The following ZNF202 variants were observed in gnomAD, a reference collection of about 807,000 sequenced individuals.
The protein encoded by ZNF202 is zinc finger protein 202, also known as zinc finger protein with KRAB and SCAN domains 10.
Under a neutral mutation model 54.5 loss-of-function variants are expected in ZNF202, and 22 were observed. That is an observed-to-expected ratio of 0.40 (90% CI 0.29 to 0.58). The LOEUF (loss-of-function observed/expected upper bound fraction) is 0.58, where lower values mean the gene tolerates loss of function less well. ZNF202 is among the 20% of genes least tolerant of loss of function. The pLI, the probability that ZNF202 is intolerant of heterozygous loss-of-function variation, is 0.39. For synonymous variants in ZNF202, 294 were observed against 301.4 expected (o/e 0.98, Z 0.26); for missense variants, 644 against 805.5 (o/e 0.80, Z 2.43).
intron 3 of ZNF202, chr11:123,739,321 G>A (rs1029893608): frequency 2.6e-5 from 4 of 152,206 alleles, no homozygotes; most frequent in South Asian, 2.1e-4. Flanking sequence ...ATCAAGAGGG[G>A]AGGAGGACAA....
intron 1 of ZNF202, among the ~76,000 whole-genome samples, chr11:123,741,144 G>C (rs1472055702): frequency 6.6e-6 from 1 of 152,012 alleles, no homozygotes; most frequent in Non-Finnish European, 1.5e-5. Context: ...GAGAGGAGGG[G>C]TAAGAAAAAG....
chr11:123,728,397 T>C, intron 6 of ZNF202, 135 bp from the exon 7 acceptor site: 1 of 1,181,538 alleles, frequency 8.5e-7, no homozygotes, highest in Non-Finnish European at 1.1e-6. Context: ...CTTAAACTCA[T>C]TCTCGGGGGA....
At position 123,729,664 on chromosome 11, in the gene ZNF202, T is replaced by G. The variant is rs773383934; in HGVS notation, c.564A>C (p.Ala188=). ...CCTCTTCCTGGTGTGGACGCTGCTC[T>G]GCCGGTGCCCCCAGATCTGGGCTCT... ...TTQSPDLGAP[A]EQRPHQEEEL... The change falls in exon 5 of 9, where the codon GCA becomes GCC. Residue 188 remains alanine, a synonymous_variant. Transcript: ENST00000530393. 11 of 1,611,584 alleles carry G rather than the reference T, an allele frequency of 6.8e-6. No homozygotes were observed. The highest frequency in any genetic ancestry group is 9.3e-6 in the Non-Finnish European group (11 of 1,178,930).
rs375501464 is a variant in ZNF202 at position 123,726,485 on chromosome 11, C to T, written c.1459G>A (p.Gly487Arg). 8.7e-6 allele frequency: 14 copies of T among 1,614,116 alleles called. No homozygotes were observed. The highest frequency in any genetic ancestry group is 1.6e-4 in the Middle Eastern group (1 of 6,082). ...TCTGAAGTCCAGCGGAAGTGCTTTC[C>T]GCAATCATCACATCTATAGGGTTTC... ...VEKPYRCDDC[G>R]KHFRWTSDLV... The change falls in exon 9 of 9, where the codon GGA becomes AGA. Residue 487 changes from glycine (G) to arginine (R), a missense_variant. Gly to Arg is a moderately radical substitution (Grantham distance 125). Transcript: ENST00000530393. The surrounding 1 kb of genome is among the most constrained non-coding windows in gnomAD (Gnocchi z 6.0).
chr11:123,733,379 T>G (rs1861495977), intron 3 of ZNF202, among the ~76,000 whole-genome samples: 1 of 152,222 alleles, frequency 6.6e-6, no homozygotes, highest in African/African-American at 2.4e-5. Flanking sequence ...GATCTTCATG[T>G]GTAATTTTTC....
intron 6 of ZNF202, among the ~76,000 whole-genome samples, 171 bp from the exon 7 acceptor site, chr11:123,728,433 C>T (rs2137321996): frequency 6.6e-6 from 1 of 152,132 alleles, no homozygotes; most frequent in African/African-American, 2.4e-5. Context: ...TGGCACTGGC[C>T]CTGCCCCCTC....
chr11:123,726,639 T>C lies in ZNF202; in HGVS notation c.1305A>G (p.Thr435=), dbSNP rs1245545730. Residue 435 remains threonine, a synonymous_variant, in exon 9 of 9, where the codon ACA becomes ACG. Coordinates refer to ENST00000530393, the MANE Select transcript of ZNF202 (RefSeq NM_003455.4). The surrounding 1 kb of genome is among the most constrained non-coding windows in gnomAD (Gnocchi z 6.0). ...GGTGCCTGGCAAGATGTGAGCTTCG[T>C]GTGTAACTTTTTCCACATTCCATAC... The part of the protein sequence containing the change: ...YKCMECGKSY[T]RSSHLARHQK... 1.2e-6 allele frequency: 2 copies of C among 1,614,214 alleles called. No individual in the cohort carries two copies. The highest frequency in any genetic ancestry group is 4.5e-5 in the East Asian group (2 of 44,886).
Position 123,724,277 on chromosome 11 carries a change from T to C in ZNF202, c.*1720A>G, listed in dbSNP as rs1351669041. On this transcript the variant is annotated 3_prime_UTR_variant, in exon 9 of 9. Transcript: ENST00000530393. ...TTTGAGTATGAACCACCCTCAGAAG[T>C]ATCAGGACACTGAAGCCCTGGAAAA... 6.6e-6 allele frequency: 1 copy of C among 152,274 alleles called. No individual in the cohort carries two copies. Among genetic ancestry groups the C allele is most frequent in the East Asian group, 1.9e-4 (1 of 5,186 alleles). 9.4% of individuals were successfully genotyped at this position (152,274 alleles called of 1,614,324 possible).
In ZNF202 at chr11:123,730,994, A is replaced by G. The variant is rs1861382377; in HGVS notation, c.-97-9T>C. 1.9e-5 allele frequency: 25 copies of G among 1,339,260 alleles called. 1 individual carries two copies. In the South Asian group the frequency reaches 3.7e-4, roughly 20 times the overall value. The allele number at this position is 1,339,260 out of a possible 1,614,324, so 83.0% of individuals were successfully genotyped here. ...ATTTTCTTCCAAGGGCCCTGGATAGAGAAGTAAAGACAAACAAGAGTATAA... is the reference window on the plus strand; with the variant it reads ...ATTTTCTTCCAAGGGCCCTGGATAGGGAAGTAAAGACAAACAAGAGTATAA... On this transcript the variant is annotated splice_polypyrimidine_tract_variant and intron_variant, in intron 3 of 8. Transcript: ENST00000530393. This position sits in a 1 kb window ranked among gnomAD's most constrained non-coding sequence, Gnocchi z 6.0.
Position 123,726,211 on chromosome 11 carries a change from G to A in ZNF202, c.1733C>T (p.Ala578Val). The A allele has an allele frequency of 6.2e-7, 1 of 1,614,206 alleles. No homozygotes were observed. The highest frequency in any genetic ancestry group is 1.1e-5 in the South Asian group (1 of 91,088). ...SECGRCFTHS[A>V]AFAKHLRGHA... The stretch of plus-strand genomic sequence containing the variant: ...TCCTCTCAAGTGCTTGGCGAACGCT[G>A]CGCTGTGGGTGAAGCAGCGCCCGCA... Residue 578 changes from alanine to valine, a missense_variant, in exon 9 of 9, where the codon GCA becomes GTA. By Grantham distance (64) the Ala-to-Val change is moderately conservative. Transcript: ENST00000530393. This position sits in a 1 kb window ranked among gnomAD's most constrained non-coding sequence, Gnocchi z 6.0.
intron 3 of ZNF202, chr11:123,738,597 A>G (rs554646380): frequency 1.3e-5 from 2 of 152,354 alleles, no homozygotes; most frequent in South Asian, 4.1e-4. Flanking sequence ...AATCTCTACA[A>G]CAAACATAGT....
rs1267692879 is a variant in ZNF202, at chr11:123,725,896, C to A, written c.*101G>T. ...GTCAGATCTGAGCAGGTCAGGGAGA[C>A]TCCCTCGAAAAGGTCTTCCCAGGCT... On this transcript the variant is annotated 3_prime_UTR_variant, in exon 9 of 9. Coordinates refer to ENST00000530393, the MANE Select transcript of ZNF202 (RefSeq NM_003455.4). The A allele has an allele frequency of 7.2e-7, 1 of 1,389,320 alleles. No homozygotes were observed. Among genetic ancestry groups the A allele is most frequent in the African/African-American group, 1.4e-5 (1 of 69,020 alleles). The allele number at this position is 1,389,320 out of a possible 1,614,324, so 86.1% of individuals were successfully genotyped here.
At position 123,729,718 on chromosome 11, in the gene ZNF202, G is replaced by T. The variant is rs752033931; in HGVS notation, c.510C>A (p.Thr170=). Residue 170 remains threonine (T), a synonymous_variant, in exon 5 of 9, where the codon ACC becomes ACA. Transcript: ENST00000530393. ...NELQDPVQSS[T]PEQSPEETTQ... The stretch of plus-strand genomic sequence containing the variant: ...TGGTTTCCTCAGGAGACTGCTCGGG[G>T]GTCGAGCTTTGCACAGGATCCTGCA... 1.9e-6 allele frequency: 3 copies of T among 1,613,946 alleles called. No individual in the cohort carries two copies.
In ZNF202 at chr11:123,726,474, G is replaced by A. The variant is rs1449900928; in HGVS notation, c.1470C>T (p.Phe490=). The A allele has an allele frequency of 1.2e-6, 2 of 1,614,256 alleles. No homozygotes were observed. The highest frequency in any genetic ancestry group is 1.7e-6 in the Non-Finnish European group (2 of 1,180,054). Residue 490 remains phenylalanine, a synonymous_variant, in exon 9 of 9, where the codon TTC becomes TTT. Coordinates refer to ENST00000530393, the MANE Select transcript of ZNF202 (RefSeq NM_003455.4). This position sits in a 1 kb window ranked among gnomAD's most constrained non-coding sequence, Gnocchi z 6.0. ...GTCTGACAAGGTCTGAAGTCCAGCGGAAGTGCTTTCCGCAATCATCACATC... is the reference window on the plus strand; with the variant it reads ...GTCTGACAAGGTCTGAAGTCCAGCGAAAGTGCTTTCCGCAATCATCACATC... ...PYRCDDCGKH[F]RWTSDLVRHQ... is the part of the protein sequence containing the mutation.
chr11:123,741,186 T>A (rs1226695770), intron 1 of ZNF202, among the ~76,000 whole-genome samples: 1 of 151,904 alleles, frequency 6.6e-6, no homozygotes, highest in Non-Finnish European at 1.5e-5. Flanking sequence ...AGACCACTCC[T>A]CCCTCGGTTC....
intron 3 of ZNF202, among the ~76,000 whole-genome samples, chr11:123,735,060 A>G (rs976503291): frequency 1.3e-5 from 2 of 152,192 alleles, no homozygotes; most frequent in African/African-American, 4.8e-5. Context: ...ATCAATTTTA[A>G]TAAGCGCAAA....
rs925726379 is a variant in ZNF202, at chr11:123,730,600, C to T, written c.289G>A (p.Val97Ile). The stretch of plus-strand genomic sequence containing the variant: ...CAGCTCTGTAGTTCTCCAGGTAGGA[C>T]GGTAAGAAATTGTTCCAGCACAAGC... ...ELLVLEQFLT[V>I]LPGELQSWVR... The change falls in exon 4 of 9, where the codon GTC becomes ATC. Residue 97 changes from valine to isoleucine, a missense_variant. Physicochemically the swap from Val to Ile is conservative, Grantham distance 29 (BLOSUM62 3). Around this residue, in one of 3 missense-constraint regions of ZNF202, gnomAD observed 62 missense variants for 122.8 expected, o/e 0.50. Transcript: ENST00000530393. This position sits in a 1 kb window ranked among gnomAD's most constrained non-coding sequence, Gnocchi z 6.0. 1.9e-6 allele frequency: 3 copies of T among 1,611,860 alleles called. No homozygotes were observed. The highest frequency in any genetic ancestry group is 2.2e-5 in the South Asian group (2 of 90,698).
Position 123,726,149 on chromosome 11 carries a change from C to T in ZNF202, c.1795G>A (p.Gly599Arg), listed in dbSNP as rs1351640193. ...SVRPCRCNEC[G>R]KSFSRRDHLV... ...TGGTCCCTGCGACTGAAGCTCTTCC[C>T]ACATTCGTTGCATCGGCAGGGCCTC... The change falls in exon 9 of 9, where the codon GGG becomes AGG. Residue 599 changes from glycine (G) to arginine (R), a missense_variant. Physicochemically the swap from Gly to Arg is moderately radical, Grantham distance 125. Transcript: ENST00000530393. This position sits in a 1 kb window ranked among gnomAD's most constrained non-coding sequence, Gnocchi z 6.0. The T allele has an allele frequency of 1.2e-6, 2 of 1,614,234 alleles. No homozygotes were observed. The highest frequency in any genetic ancestry group is 8.5e-7 in the Non-Finnish European group (1 of 1,180,040).
chr11:123,732,643 T>C (rs1861460512), intron 3 of ZNF202, among the ~76,000 whole-genome samples: 1 of 152,200 alleles, frequency 6.6e-6, no homozygotes, highest in African/African-American at 2.4e-5. Context: ...TCTATCCCAG[T>C]ATTGGTCATA....
Sources: gnomAD v4.1 joint callset for allele counts (sites outside exome capture counted in the v4.1 genomes callset) on GRCh38, gnomAD v4.1.1 for gene constraint, gnomAD v4.1.1 regional missense constraint, Gnocchi (gnomAD v3.1) non-coding constraint, MANE v1.5 for transcripts, NCBI Gene and HGNC (gene_info 2026-07-23, HGNC 2026-07-21) for gene names.